Variants in EIPR1 observed in about 807,000 individuals in gnomAD.
EIPR1 encodes the protein EARP complex and GARP complex interacting protein 1, also known as EARP and GARP complex-interacting protein 1.
In EIPR1, 25 loss-of-function variants were observed where a neutral mutation model predicts 48.1. That is an observed-to-expected ratio of 0.52 (90% CI 0.38 to 0.73). The LOEUF (loss-of-function observed/expected upper bound fraction) is 0.73. Among genes scored for constraint, EIPR1 ranks in the 30% least tolerant of loss-of-function variants. The probability of loss-of-function intolerance (pLI) is 0.00; values close to 1 mark genes in which losing one functional copy is unlikely to be tolerated. For missense variants in EIPR1, 415 were observed against 506.2 expected (o/e 0.82, Z 1.73); for synonymous variants, 204 against 201.9 (o/e 1.01, Z -0.09).
chr2:3,230,556 G>A (rs1443990721), intron 4 of EIPR1, among the ~76,000 whole-genome samples: 2 of 152,126 alleles, frequency 1.3e-5, no homozygotes, highest in African/African-American at 4.8e-5. Context: ...GAGCATATAG[G>A]ATTTCAAATT....
intron 3 of EIPR1, among the ~76,000 whole-genome samples, chr2:3,294,780 CTACA>C (rs1342012104): frequency 3.1e-5 from 4 of 131,040 alleles, no homozygotes; most frequent in African/African-American, 8.6e-5. Flanking sequence ...CATCCTCTCT[CTACA>C]TACACACCCT....
At position 3,356,345 on chromosome 2, in the gene EIPR1, G is replaced by C. The variant is rs566715067; in HGVS notation, c.43-1712C>G. On this transcript the variant is annotated intron_variant, in intron 1 of 8. Coordinates refer to ENST00000382125, the MANE Select transcript of EIPR1 (RefSeq NM_003310.5). ...TGGCTGGATTTCCTGAAAGAGAAAC[G>C]TAGGCTGTATACAACAGCCTGAATT... Among the ~76,000 whole-genome samples, 252 of 152,186 alleles carry C rather than the reference G, an allele frequency of 1.7e-3. 1 individual carries two copies. The highest frequency in any genetic ancestry group is 2.8e-3 in the Non-Finnish European group (193 of 68,034).
intron 3 of EIPR1, among the ~76,000 whole-genome samples, chr2:3,323,091 CCT>C (rs1280228729): frequency 7.1e-6 from 1 of 141,378 alleles, no homozygotes; most frequent in Admixed American, 6.9e-5. Flanking sequence ...TATTACAGTT[CCT>C]CTCTCTGATT....
At chr2:3,222,261 A>G (rs116124528) in intron 4 of EIPR1, among the ~76,000 whole-genome samples, 24 of 152,336 alleles carry the variant, frequency 1.6e-4, no homozygotes, top group Middle Eastern at 6.8e-3. Context: ...GGGGGAGAGG[A>G]CTGTATTTCC....
At chr2:3,259,004 C>T (rs796792979) in intron 3 of EIPR1, among the ~76,000 whole-genome samples, 5 of 152,056 alleles carry the variant, frequency 3.3e-5, no homozygotes, top group African/African-American at 1.2e-4. Flanking sequence ...CAATGGCACT[C>T]CTGGAAACAC....
intron 3 of EIPR1, among the ~76,000 whole-genome samples, chr2:3,314,149 G>A (rs1669214022): frequency 6.6e-6 from 1 of 152,156 alleles, no homozygotes; most frequent in Non-Finnish European, 1.5e-5. Flanking sequence ...AATTTCCCGA[G>A]GACTCTGCGC....
At chr2:3,205,712 TG>T (rs1189895005) in intron 5 of EIPR1, among the ~76,000 whole-genome samples, 21 of 152,226 alleles carry the variant, frequency 1.4e-4, no homozygotes, top group African/African-American at 4.8e-4. Context: ...GTCCCAGCTT[TG>T]AACGTGAATG....
At chr2:3,197,283 T>C (rs546519614) in intron 5 of EIPR1, among the ~76,000 whole-genome samples, 1 of 152,348 alleles carries the variant, frequency 6.6e-6, no homozygotes, top group South Asian at 2.1e-4. Flanking sequence ...AGTATGTGAT[T>C]AGAGATAATC....
chr2:3,331,347 G>C lies in EIPR1; in HGVS notation c.259+6670C>G, dbSNP rs75060786. Reference sequence around the variant, plus strand: ...TGTGTATACACTCATGAGATGGTGTGAGCAGAGGCAGGTGTGTATACACTC... The same window carrying C: ...TGTGTATACACTCATGAGATGGTGTCAGCAGAGGCAGGTGTGTATACACTC... On this transcript the variant is annotated intron_variant, in intron 3 of 8. Transcript: ENST00000382125. 4.8e-4 allele frequency among the ~76,000 whole-genome samples: 25 copies of C among 52,366 alleles called. 1 individual carries two copies. The highest frequency in any genetic ancestry group is 1.6e-3 in the African/African-American group (12 of 7,730). The allele number at this position is 52,366 out of a possible 152,430, so 34.4% of individuals were successfully genotyped here. A position where few individuals can be genotyped will look rare whatever the true frequency, so the allele number is the denominator to read the frequency against.
chr2:3,303,336 T>C (rs889713868), intron 3 of EIPR1, among the ~76,000 whole-genome samples: 5 of 152,160 alleles, frequency 3.3e-5, no homozygotes, highest in African/African-American at 1.2e-4. Flanking sequence ...ACCAGGGCCA[T>C]GGCCCAGCAG....
intron 3 of EIPR1, among the ~76,000 whole-genome samples, chr2:3,330,670 C>A (rs1447314998): frequency 9.4e-6 from 1 of 106,096 alleles, no homozygotes; most frequent in Non-Finnish European, 2.3e-5. Context: ...AAGGCAGGTG[C>A]ACACACATGA....
At chr2:3,341,795 A>G (rs1670259631) in intron 2 of EIPR1, among the ~76,000 whole-genome samples, 1 of 152,156 alleles carries the variant, frequency 6.6e-6, no homozygotes, top group Non-Finnish European at 1.5e-5. Flanking sequence ...CCAGTAGCAC[A>G]TTCTGGATGC....
At chr2:3,269,686 G>GCAATCATCA (rs1667643685) in intron 3 of EIPR1, among the ~76,000 whole-genome samples, 1 of 136,460 alleles carries the variant, frequency 7.3e-6, no homozygotes, top group African/African-American at 2.8e-5. Flanking sequence ...CGCAATCATC[G>GCAATCATCA]CACTCAATCA....
intron 1 of EIPR1, among the ~76,000 whole-genome samples, chr2:3,372,122 C>T (rs1184269996): frequency 6.6e-6 from 1 of 151,172 alleles, no homozygotes; most frequent in Non-Finnish European, 1.5e-5. Context: ...CAACCTGCTC[C>T]TGAATGACTA....
intron 3 of EIPR1, among the ~76,000 whole-genome samples, chr2:3,327,825 G>A (rs992855054): frequency 6.6e-6 from 1 of 151,624 alleles, no homozygotes; most frequent in African/African-American, 2.4e-5. Flanking sequence ...TACTCAACTC[G>A]TTTTGTTGTT....
At chr2:3,285,319 A>ACC (rs1437845749) in intron 3 of EIPR1, among the ~76,000 whole-genome samples, 1 of 57,586 alleles carries the variant, frequency 1.7e-5, no homozygotes. Context: ...ACACCCTCCC[A>ACC]CCCCCCCACC....
intron 4 of EIPR1, among the ~76,000 whole-genome samples, chr2:3,216,397 T>C (rs1665637856): frequency 6.6e-6 from 1 of 152,070 alleles, no homozygotes; most frequent in South Asian, 2.1e-4. Flanking sequence ...GCAGTGACAG[T>C]GACTTCTCAG....
At chr2:3,243,793 G>A (rs1666711811) in intron 4 of EIPR1, among the ~76,000 whole-genome samples, 1 of 152,150 alleles carries the variant, frequency 6.6e-6, no homozygotes, top group South Asian at 2.1e-4. Flanking sequence ...GTGGGAAATG[G>A]GCCACAACCC....
At chr2:3,281,977 C>A (rs1418963793) in intron 3 of EIPR1, among the ~76,000 whole-genome samples, 1 of 152,138 alleles carries the variant, frequency 6.6e-6, no homozygotes, top group Non-Finnish European at 1.5e-5. Flanking sequence ...GGTGGAAATA[C>A]CAAGTTCAAA....
Sources: gnomAD v4.1 joint callset for allele counts (sites outside exome capture counted in the v4.1 genomes callset) on GRCh38, gnomAD v4.1.1 for gene constraint, MANE v1.5 for transcripts, NCBI Gene and HGNC (gene_info 2026-07-23, HGNC 2026-07-21) for gene names.